SMARCA2: variants seen among roughly 807,000 people sequenced by gnomAD.
SMARCA2 encodes SWI/SNF-related matrix-associated actin-dependent regulator of chromatin subfamily A member 2.
In SMARCA2, 61 loss-of-function variants were observed where a neutral mutation model predicts 199.8. That is an observed-to-expected ratio of 0.31 (90% CI 0.25 to 0.38). The LOEUF (loss-of-function observed/expected upper bound fraction) is 0.38, where lower values mean the gene tolerates loss of function less well. Among genes scored for constraint, SMARCA2 ranks in the 10% least tolerant of loss-of-function variants. The pLI is 1.00. For synonymous variants in SMARCA2, 935 were observed against 732.0 expected (o/e 1.28, Z -4.48); for missense variants, 1,344 against 2,012.2 (o/e 0.67, Z 6.35).
At chr9:2,164,191 G>T (rs1442050453) in intron 28 of SMARCA2, among the ~76,000 whole-genome samples, 1 of 152,120 alleles carries the variant, frequency 6.6e-6, no homozygotes, top group Non-Finnish European at 1.5e-5. Flanking sequence ...TTACCTGCTG[G>T]CTCCATAGCC....
chr9:2,088,404 A>G (rs771827909), intron 18 of SMARCA2, 96 bp from the exon 19 acceptor site: 219 of 1,378,534 alleles, frequency 1.6e-4, no homozygotes, highest in Non-Finnish European at 2.0e-4. Flanking sequence ...TAAAATGTCA[A>G]TCATGTATTG....
At chr9:2,052,440 C>T (rs1288581523) in intron 5 of SMARCA2, among the ~76,000 whole-genome samples, 1 of 152,186 alleles carries the variant, frequency 6.6e-6, no homozygotes, top group Admixed American at 6.5e-5. Flanking sequence ...AGTGCCACTG[C>T]ACTCCAGCCT....
At position 2,080,942 on chromosome 9, in the gene SMARCA2, T is replaced by C. The variant is rs371916310; in HGVS notation, c.2185-890T>C. Among the ~76,000 whole-genome samples, 20 of 152,356 alleles carry C rather than the reference T, an allele frequency of 1.3e-4. No homozygotes were observed. The South Asian group carries it at 3.7e-3, about 28-fold the overall frequency. On this transcript the variant is annotated intron_variant, in intron 14 of 33. Transcript: ENST00000349721. ...TATCTATCTGCTACAGCTCCTTGCATGGCCCCTTGCACAGAATAGTCATTT... is the reference window on the plus strand; with the variant it reads ...TATCTATCTGCTACAGCTCCTTGCACGGCCCCTTGCACAGAATAGTCATTT...
chr9:2,181,707 C>G, intron 30 of SMARCA2, 31 bp downstream of exon 30: 2 of 1,108,836 alleles, frequency 1.8e-6, no homozygotes, highest in Non-Finnish European at 1.4e-6. Flanking sequence ...CTTTATTCTT[C>G]AAGTAAATAA....
intron 15 of SMARCA2, among the ~76,000 whole-genome samples, chr9:2,082,309 GT>G (rs879897529): frequency 0.028 from 978 of 35,452 alleles, 14 homozygotes; most frequent in Admixed American, 0.17. Context: ...GGGGAAAGGT[GT>G]GTGTGTGTGT....
At chr9:2,078,247 G>A (rs867915053) in intron 14 of SMARCA2, among the ~76,000 whole-genome samples, 2 of 151,940 alleles carry the variant, frequency 1.3e-5, no homozygotes, top group Non-Finnish European at 2.9e-5. Context: ...TGAGGTGGGT[G>A]GATCACTTGA....
intron 28 of SMARCA2, chr9:2,162,689 G>A (rs2129645933): frequency 6.6e-6 from 1 of 152,294 alleles, no homozygotes; most frequent in Middle Eastern, 3.4e-3. Flanking sequence ...ACAGGAAACA[G>A]ACATTTTCAC....
At chr9:2,118,774 T>C (rs1823326679) in intron 25 of SMARCA2, among the ~76,000 whole-genome samples, 1 of 152,222 alleles carries the variant, frequency 6.6e-6, no homozygotes, top group African/African-American at 2.4e-5. Flanking sequence ...AATGAAAATT[T>C]TAGCCCATAT....
At chr9:2,192,488 T>A (rs1827952487) in intron 33 of SMARCA2, 2 of 585,592 alleles carry the variant, frequency 3.4e-6, no homozygotes, top group Admixed American at 3.1e-5. Flanking sequence ...GCTTAGAGGG[T>A]GGGCTTTGCT....
chr9:2,021,958 C>CCGAGATCACAGAGACCCGG (rs894312536), intron 1 of SMARCA2: 31 of 150,820 alleles, frequency 2.1e-4, no homozygotes, highest in African/African-American at 7.4e-4. Context: ...GAAGAAAGCC[C>CCGAGATCACAGAGACCCGG]CGAGATCACA....
chr9:2,189,607 G>C (rs572939572), intron 32 of SMARCA2, among the ~76,000 whole-genome samples: 2 of 152,088 alleles, frequency 1.3e-5, no homozygotes, highest in East Asian at 3.9e-4. Context: ...GTTTTCATTA[G>C]TAGGTAGGCC....
At chr9:2,165,703 C>T (rs192306415) in intron 28 of SMARCA2, among the ~76,000 whole-genome samples, 1 of 152,232 alleles carries the variant, frequency 6.6e-6, no homozygotes, top group Non-Finnish European at 1.5e-5. Flanking sequence ...AGGGATTCAT[C>T]CTGTTTGCAT....
chr9:2,182,268 G>C, intron 31 of SMARCA2, 26 bp downstream of exon 31: 5 of 1,368,534 alleles, frequency 3.7e-6, no homozygotes, highest in Non-Finnish European at 4.1e-6. Flanking sequence ...TTGTCTAAAA[G>C]TTCTTAACTG....
At chr9:2,095,916 C>T (rs552780505) in intron 19 of SMARCA2, among the ~76,000 whole-genome samples, 1 of 152,220 alleles carries the variant, frequency 6.6e-6, no homozygotes, top group African/African-American at 2.4e-5. Context: ...GGAAATAAGG[C>T]AGATTTTATG....
chr9:2,143,042 C>G (rs1438631823), intron 27 of SMARCA2, among the ~76,000 whole-genome samples: 1 of 152,028 alleles, frequency 6.6e-6, no homozygotes, highest in Admixed American at 6.6e-5. Flanking sequence ...ACAAAAGAAA[C>G]TTATACAAGC....
At position 2,192,855 on chromosome 9, in the gene SMARCA2, A is replaced by G. The variant is rs943836770; in HGVS notation, c.*116A>G. On this transcript the variant is annotated 3_prime_UTR_variant, in exon 34 of 34. Coordinates refer to ENST00000349721, the MANE Select transcript of SMARCA2 (RefSeq NM_003070.5). ...GGTTGTTTCTATATCATCATCGTCT[A>G]TAAACTAGCTTTAGGATAGTGCCAG... The G allele has an allele frequency of 2.2e-5, 17 of 762,008 alleles. No individual in the cohort carries two copies. The highest frequency in any genetic ancestry group is 6.3e-5 in the Admixed American group (3 of 47,784). 47.2% of individuals were successfully genotyped at this position (762,008 alleles called of 1,614,324 possible). A position where few individuals can be genotyped will look rare whatever the true frequency, so the allele number is the denominator to read the frequency against.
intron 27 of SMARCA2, among the ~76,000 whole-genome samples, chr9:2,158,052 A>G (rs1031778912): frequency 1.3e-5 from 2 of 151,906 alleles, no homozygotes; most frequent in Non-Finnish European, 2.9e-5. Flanking sequence ...CTTTCATAAG[A>G]ACTAATTGAA....
At chr9:2,157,749 T>C (rs1230534456) in intron 27 of SMARCA2, 1 of 394,090 alleles carries the variant, frequency 2.5e-6, no homozygotes, top group Non-Finnish European at 4.5e-6. Context: ...TGTCCCTGTT[T>C]ACCTATTCAT....
intron 30 of SMARCA2, 106 bp downstream of exon 30, chr9:2,181,782 G>C: frequency 1.5e-6 from 1 of 679,646 alleles, no homozygotes; most frequent in Non-Finnish European, 2.6e-6. Context: ...GGGTACCCAG[G>C]GCTCGCGACA....
Sources: gnomAD v4.1 joint callset for allele counts (sites outside exome capture counted in the v4.1 genomes callset) on GRCh38, gnomAD v4.1.1 for gene constraint, MANE v1.5 for transcripts, NCBI Gene and HGNC (gene_info 2026-07-23, HGNC 2026-07-21) for gene names.